The following INSC variants were observed in gnomAD, a reference collection of about 807,000 sequenced individuals.
The protein encoded by INSC is INSC spindle orientation adaptor protein.
A neutral mutation model predicts 58.6 loss-of-function variants in INSC; 67 were observed. That is an observed-to-expected ratio of 1.14 (90% confidence interval 0.94 to 1.40). INSC has a LOEUF of 1.40. INSC is among the 40% of genes most tolerant of loss of function. The pLI is 0.00. For synonymous variants in INSC, 262 were observed against 276.1 expected (o/e 0.95, Z 0.51); for missense variants, 714 against 692.0 (o/e 1.03, Z -0.36).
At chr11:15,164,047 CTTT>C (rs1849108303) in intron 2 of INSC, among the ~76,000 whole-genome samples, 1 of 152,012 alleles carries the variant, frequency 6.6e-6, no homozygotes, top group African/African-American at 2.4e-5. Flanking sequence ...GGGACATTTC[CTTT>C]CTGATAATTT....
intron 2 of INSC, among the ~76,000 whole-genome samples, chr11:15,156,008 A>C (rs1848803824): frequency 6.6e-6 from 1 of 152,190 alleles, no homozygotes; most frequent in Admixed American, 6.5e-5. Context: ...GAGGCGGTCC[A>C]CAAGGCAAGG....
intron 9 of INSC, among the ~76,000 whole-genome samples, chr11:15,233,437 A>T (rs1018641014): frequency 6.6e-6 from 1 of 152,204 alleles, no homozygotes; most frequent in South Asian, 2.1e-4. Flanking sequence ...GTTATGGTGC[A>T]CACAAGGATG....
chr11:15,197,709 T>C (rs1345714341), intron 6 of INSC, among the ~76,000 whole-genome samples: 1 of 152,176 alleles, frequency 6.6e-6, no homozygotes, highest in Non-Finnish European at 1.5e-5. Context: ...ATGATGATGG[T>C]GACAAACTCC....
chr11:15,196,999 C>T (rs961806001), intron 6 of INSC, among the ~76,000 whole-genome samples: 5 of 152,228 alleles, frequency 3.3e-5, no homozygotes, highest in Non-Finnish European at 5.9e-5. Context: ...CTTTCTCTCA[C>T]CAACCTTCCA....
chr11:15,125,174 A>G (rs187079981), intron 1 of INSC, among the ~76,000 whole-genome samples: 20 of 152,184 alleles, frequency 1.3e-4, no homozygotes, highest in African/African-American at 4.8e-4. Flanking sequence ...GGAGGAAGCT[A>G]TGTGAATACT....
At chr11:15,260,393 CT>C in the INSC span, among the ~76,000 whole-genome samples, 1 of 152,016 alleles carries the variant, frequency 6.6e-6, no homozygotes, top group Non-Finnish European at 1.5e-5. Context: ...TATTTAGTGT[CT>C]TTTTTTGATG....
At chr11:15,183,127 C>A (rs556130897) in intron 5 of INSC, among the ~76,000 whole-genome samples, 1 of 151,986 alleles carries the variant, frequency 6.6e-6, no homozygotes, top group African/African-American at 2.4e-5. Flanking sequence ...GCAGGCAGAT[C>A]ACCTGAGGTT....
chr11:15,112,828 AAT>A (rs368885990), upstream of INSC, among the ~76,000 whole-genome samples: 364 of 152,164 alleles, frequency 2.4e-3, 2 homozygotes, highest in African/African-American at 8.5e-3. Context: ...CATATAATAA[AAT>A]ATCTTAGTTT....
intron 2 of INSC, among the ~76,000 whole-genome samples, chr11:15,152,163 G>A (rs1848674590): frequency 6.6e-6 from 1 of 152,234 alleles, no homozygotes; most frequent in Non-Finnish European, 1.5e-5. Context: ...GTTCAGAGTG[G>A]TTTTTAGTGA....
At chr11:15,158,934 A>G (rs904235982) in intron 2 of INSC, among the ~76,000 whole-genome samples, 24 of 128,646 alleles carry the variant, frequency 1.9e-4, no homozygotes, top group African/African-American at 7.3e-4. Context: ...TCTCCTGTTC[A>G]ACTTTGTAGC....
chr11:15,210,095 A>T (rs576462945), intron 7 of INSC, among the ~76,000 whole-genome samples: 1 of 152,322 alleles, frequency 6.6e-6, no homozygotes, highest in East Asian at 1.9e-4. Flanking sequence ...TCAGCCTGAG[A>T]TAAGTCAGAT....
chr11:15,175,646 A>G, intron 2 of INSC, 95 bp from the exon 3 acceptor site: 1 of 879,774 alleles, frequency 1.1e-6, no homozygotes, highest in South Asian at 2.2e-5. Context: ...CTAAACATAT[A>G]ATAGGTGCTT....
chr11:15,124,086 AC>A (rs1220663182), intron 1 of INSC, among the ~76,000 whole-genome samples: 1 of 152,012 alleles, frequency 6.6e-6, no homozygotes, highest in Non-Finnish European at 1.5e-5. Context: ...TTGTTCATTC[AC>A]CCACACACCC....
chr11:15,183,443 A>ATG (rs145506306), intron 5 of INSC, among the ~76,000 whole-genome samples: 108,845 of 149,284 alleles, frequency 0.73, 40,279 homozygotes, highest in East Asian at 0.98. Context: ...TAGTGTGTGT[A>ATG]TGTGTGTGTG....
Position 15,131,057 on chromosome 11 carries a change from T to C in INSC, c.-46+16054T>C, listed in dbSNP as rs76577857. 6.8e-3 allele frequency among the ~76,000 whole-genome samples: 1,032 copies of C among 152,212 alleles called. 9 individuals are homozygous for C. Among genetic ancestry groups the C allele is most frequent in the African/African-American group, 0.024 (1,005 of 41,576 alleles). On this transcript the variant is annotated intron_variant, in intron 1 of 12. Transcript: ENST00000379556. ...TAATTATTTTCCCTCTGATACTTTC[T>C]TTAGAATTATTTTCCTCTTTTTCTA...
chr11:15,136,442 C>CT (rs1470465863), intron 1 of INSC, among the ~76,000 whole-genome samples: 2 of 151,748 alleles, frequency 1.3e-5, no homozygotes, highest in African/African-American at 4.8e-5. Context: ...ATTGACTCTT[C>CT]TTTTTATGAA....
chr11:15,188,210 A>G (rs1355136562), intron 5 of INSC: 2 of 985,356 alleles, frequency 2.0e-6, no homozygotes, highest in East Asian at 2.3e-4. Flanking sequence ...CGGGTTACCA[A>G]TACATAGTGT....
intron 7 of INSC, among the ~76,000 whole-genome samples, chr11:15,205,310 CT>C (rs1254475073): frequency 6.6e-6 from 1 of 152,214 alleles, no homozygotes; most frequent in Non-Finnish European, 1.5e-5. Flanking sequence ...TCTTTTATCA[CT>C]GAAGCAGCCT....
intron 5 of INSC, among the ~76,000 whole-genome samples, chr11:15,186,478 T>G (rs184656212): frequency 7.9e-5 from 12 of 152,334 alleles, no homozygotes; most frequent in Non-Finnish European, 8.8e-5. Context: ...CAAACTAATC[T>G]AGATGTTGGG....
Sources: gnomAD v4.1 joint callset for allele counts (sites outside exome capture counted in the v4.1 genomes callset) on GRCh38, gnomAD v4.1.1 for gene constraint, MANE v1.5 for transcripts, NCBI Gene and HGNC (gene_info 2026-07-23, HGNC 2026-07-21) for gene names.